The following IPCEF1 variants were observed in gnomAD, a reference collection of about 807,000 sequenced individuals.
IPCEF1 encodes interaction protein for cytohesin exchange factors 1, also known as interactor protein for cytohesin exchange factors 1.
In IPCEF1, 31 loss-of-function variants were observed where a neutral mutation model predicts 50.9. The ratio of observed to expected loss-of-function variants is 0.61; its 90% CI spans 0.46 to 0.82. The LOEUF (loss-of-function observed/expected upper bound fraction) is 0.82, where lower values mean the gene tolerates loss of function less well. Ranked by LOEUF, IPCEF1 falls within the 40% of genes least tolerant of loss-of-function variation. The pLI, the probability that IPCEF1 is intolerant of heterozygous loss-of-function variation, is 0.00. For missense variants in IPCEF1, 458 were observed against 514.0 expected, an observed-to-expected ratio of 0.89 and a Z score of 1.05; for synonymous variants, 181 against 192.0, an observed-to-expected ratio of 0.94 and a Z score of 0.47.
intron 5 of IPCEF1, among the ~76,000 whole-genome samples, chr6:154,243,574 G>A (rs1216281912): frequency 6.6e-6 from 1 of 152,188 alleles, no homozygotes; most frequent in Non-Finnish European, 1.5e-5. Flanking sequence ...GAAAAGCAAA[G>A]GGATTCAATG....
rs189047020 is a variant in IPCEF1 at position 154,269,546 on chromosome 6, G to A, written c.-17-3582C>T. Reference sequence around the variant, plus strand: ...AGACAGGGTCTTGCTTTGTAGCCCAGGCTGGTCTCAAACTCCTGGTTTTAA... The same window carrying A: ...AGACAGGGTCTTGCTTTGTAGCCCAAGCTGGTCTCAAACTCCTGGTTTTAA... On this transcript the variant is annotated intron_variant, in intron 2 of 11. Coordinates refer to ENST00000367220, the MANE Select transcript of IPCEF1 (RefSeq NM_001130700.2). Among the ~76,000 whole-genome samples the A allele has an allele frequency of 2.0e-5, 3 of 151,874 alleles. No individual in the cohort carries two copies. In the East Asian group the frequency reaches 5.8e-4, roughly 29 times the overall value.
chr6:154,330,524 C>T (rs772663553), intron 1 of IPCEF1, among the ~76,000 whole-genome samples: 24 of 152,000 alleles, frequency 1.6e-4, no homozygotes, highest in South Asian at 4.2e-4. Flanking sequence ...TAAGGTCTTA[C>T]TATGTTGCCC....
At chr6:154,347,909 G>T (rs1383011131) in intron 1 of IPCEF1, among the ~76,000 whole-genome samples, 3 of 152,156 alleles carry the variant, frequency 2.0e-5, no homozygotes, top group Admixed American at 6.5e-5. Flanking sequence ...CCAATGCACA[G>T]AACACAAAGA....
intron 10 of IPCEF1, among the ~76,000 whole-genome samples, chr6:154,197,050 A>G (rs1385088620): frequency 6.6e-6 from 1 of 152,158 alleles, no homozygotes; most frequent in Middle Eastern, 3.2e-3. Context: ...GCTAGGATGA[A>G]AGCCTCTTCT....
At chr6:154,296,850 A>C (rs1782676614) in intron 1 of IPCEF1, among the ~76,000 whole-genome samples, 1 of 151,896 alleles carries the variant, frequency 6.6e-6, no homozygotes, top group Non-Finnish European at 1.5e-5. Flanking sequence ...AAAAGAAAAA[A>C]AAAGAGAATA....
intron 2 of IPCEF1, among the ~76,000 whole-genome samples, chr6:154,286,352 A>G (rs1782359278): frequency 1.3e-5 from 2 of 152,252 alleles, no homozygotes; most frequent in Non-Finnish European, 2.9e-5. Context: ...CCCAGAACTT[A>G]AAGTAAAATA....
intron 3 of IPCEF1, 111 bp downstream of exon 3, chr6:154,265,801 A>G: frequency 2.7e-6 from 2 of 739,786 alleles, no homozygotes; most frequent in East Asian, 2.6e-5. Context: ...TACTGTGGCT[A>G]ATGAAATTGA....
chr6:154,238,959 G>A (rs1028477544), intron 5 of IPCEF1, among the ~76,000 whole-genome samples: 1 of 151,394 alleles, frequency 6.6e-6, no homozygotes, highest in Non-Finnish European at 1.5e-5. Flanking sequence ...TGGAAACACC[G>A]ACAAAAGTAC....
intron 1 of IPCEF1, among the ~76,000 whole-genome samples, chr6:154,348,199 G>A (rs546247706): frequency 1.3e-5 from 2 of 152,216 alleles, no homozygotes; most frequent in African/African-American, 2.4e-5. Context: ...AATAGTACTC[G>A]AGTGCCTGGC....
chr6:154,273,635 G>T (rs994472433), intron 2 of IPCEF1, among the ~76,000 whole-genome samples: 3 of 149,324 alleles, frequency 2.0e-5, no homozygotes, highest in Non-Finnish European at 3.0e-5. Context: ...GTTTGGGGTT[G>T]TGACTTTGTT....
chr6:154,276,877 G>C (rs1782076595), intron 2 of IPCEF1, among the ~76,000 whole-genome samples: 1 of 152,158 alleles, frequency 6.6e-6, no homozygotes, highest in African/African-American at 2.4e-5. Context: ...TCAACTTTAG[G>C]ACAAGTTAGA....
At chr6:154,307,234 T>C (rs1295470826) in intron 1 of IPCEF1, among the ~76,000 whole-genome samples, 1 of 152,230 alleles carries the variant, frequency 6.6e-6, no homozygotes, top group South Asian at 2.1e-4. Flanking sequence ...GACTGAATCA[T>C]GGGGTGGGGT....
chr6:154,172,671 G>T (rs191554509), intron 10 of IPCEF1, among the ~76,000 whole-genome samples: 2 of 152,234 alleles, frequency 1.3e-5, no homozygotes, highest in Non-Finnish European at 2.9e-5. Context: ...CGAACTGGGC[G>T]GAGCCCACTG....
intron 2 of IPCEF1, among the ~76,000 whole-genome samples, chr6:154,277,511 C>A (rs1782092208): frequency 6.6e-6 from 1 of 152,158 alleles, no homozygotes; most frequent in Non-Finnish European, 1.5e-5. Context: ...GTCCAACTCC[C>A]TAATTTGACA....
chr6:154,337,914 G>T (rs1451253273), intron 1 of IPCEF1, among the ~76,000 whole-genome samples: 1 of 152,098 alleles, frequency 6.6e-6, no homozygotes, highest in African/African-American at 2.4e-5. Context: ...TTGGACCATG[G>T]TTCCTGCCTG....
chr6:154,343,949 T>C (rs984011694), intron 1 of IPCEF1, among the ~76,000 whole-genome samples: 1 of 152,168 alleles, frequency 6.6e-6, no homozygotes, highest in Non-Finnish European at 1.5e-5. Context: ...CCCACGTGTG[T>C]AGAACATCAA....
intron 1 of IPCEF1, among the ~76,000 whole-genome samples, chr6:154,325,438 G>A (rs1783495613): frequency 6.6e-6 from 1 of 152,172 alleles, no homozygotes; most frequent in South Asian, 2.1e-4. Flanking sequence ...AAAGTCTTAA[G>A]TAAGAGTAGA....
intron 2 of IPCEF1, among the ~76,000 whole-genome samples, chr6:154,288,676 CAAAAAAAAAAAAAAAAAAAA>C (rs558703057): frequency 0.066 from 3,093 of 47,042 alleles, 104 homozygotes; most frequent in African/African-American, 0.18. Flanking sequence ...ACAAAAAAAA[CAAAAAAAAAAAAAAAAAAAA>C]AAAAAAAAAC....
chr6:154,307,941 C>A (rs1782977997), intron 1 of IPCEF1, among the ~76,000 whole-genome samples: 1 of 152,176 alleles, frequency 6.6e-6, no homozygotes, highest in African/African-American at 2.4e-5. Flanking sequence ...AGCAAGCAAA[C>A]AGAACACTTC....
Sources: allele counts gnomAD v4.1 joint callset (sites outside exome capture counted in the v4.1 genomes callset), GRCh38; gene constraint gnomAD v4.1.1; transcripts MANE v1.5; gene names NCBI Gene and HGNC (gene_info 2026-07-23, HGNC 2026-07-21).